FBXL18: variants seen among roughly 807,000 people sequenced by gnomAD.
The protein encoded by FBXL18 is F-box and leucine rich repeat protein 18.
FBXL18 carries 36 observed loss-of-function variants against 46.0 expected under a neutral mutation model. The ratio of observed to expected loss-of-function variants is 0.78; its 90% CI spans 0.60 to 1.03. The LOEUF (loss-of-function observed/expected upper bound fraction) is 1.03, where lower values mean the gene tolerates loss of function less well. Ranked by LOEUF, FBXL18 falls within the 50% of genes least tolerant of loss-of-function variation. FBXL18 has a pLI of 0.00. For missense variants in FBXL18, 977 were observed against 1,004.1 expected, an observed-to-expected ratio of 0.97 and a Z score of 0.36; for synonymous variants, 557 against 465.3, an observed-to-expected ratio of 1.20 and a Z score of -2.54.
At chr7:5,465,856 C>A (rs539237803) in intron 4 of FBXL18, among the ~76,000 whole-genome samples, 5 of 149,870 alleles carry the variant, frequency 3.3e-5, no homozygotes, top group Non-Finnish European at 1.5e-5. Flanking sequence ...CTTAGTCTGT[C>A]GCCCAGTCTG....
Position 5,481,671 on chromosome 7 carries a change from G to A in FBXL18, c.*104C>T. 7.8e-7 allele frequency: 1 copy of A among 1,284,936 alleles called. No homozygotes were observed. The highest frequency in any genetic ancestry group is 1.1e-6 in the Non-Finnish European group (1 of 913,426). The allele number at this position is 1,284,936 out of a possible 1,614,324, so 79.6% of individuals were successfully genotyped here. A position where few individuals can be genotyped will look rare whatever the true frequency, so the allele number is the denominator to read the frequency against. On this transcript the variant is annotated 3_prime_UTR_variant, in exon 5 of 5. Coordinates refer to ENST00000382368, the MANE Select transcript of FBXL18 (RefSeq NM_024963.6). ...GAGCCAGGTGGGGCGTGGCTGGCCG[G>A]GAGAGAGGCCCCCTTCCTCTTGTGA...
At chr7:5,467,559 A>AG (rs1196632411) in intron 4 of FBXL18, among the ~76,000 whole-genome samples, 2 of 151,316 alleles carry the variant, frequency 1.3e-5, no homozygotes, top group Non-Finnish European at 2.9e-5. Context: ...AAAAAAAAAA[A>AG]GAAATCAGGG....
intron 4 of FBXL18, among the ~76,000 whole-genome samples, chr7:5,482,319 G>A (rs1044986179): frequency 3.9e-5 from 6 of 152,174 alleles, no homozygotes; most frequent in Non-Finnish European, 8.8e-5. Flanking sequence ...GAAGCCCCAC[G>A]GCCAGGACAG....
intron 4 of FBXL18, among the ~76,000 whole-genome samples, chr7:5,467,037 C>T (rs539730027): frequency 1.1e-4 from 17 of 152,038 alleles, no homozygotes; most frequent in African/African-American, 3.6e-4. Flanking sequence ...GCCATCACGG[C>T]GAAACCCTGT....
chr7:5,499,161 C>T (rs555572388), intron 3 of FBXL18, among the ~76,000 whole-genome samples: 7 of 152,234 alleles, frequency 4.6e-5, no homozygotes, highest in Non-Finnish European at 7.4e-5. Flanking sequence ...CTGTGGTCCC[C>T]CTCCTGAGCC....
intron 2 of FBXL18, among the ~76,000 whole-genome samples, chr7:5,503,913 G>C (rs1228553351): frequency 1.3e-5 from 2 of 151,648 alleles, no homozygotes; most frequent in Non-Finnish European, 2.9e-5. Context: ...GTTGCAGTGA[G>C]CTGAGATAGT....
chr7:5,489,487 T>G (rs1246110907), intron 4 of FBXL18: 2 of 355,450 alleles, frequency 5.6e-6, no homozygotes, highest in African/African-American at 4.3e-5. Context: ...ATACAAAAAT[T>G]AGGCCGGGCG....
At chr7:5,486,807 C>CG (rs2128234838) in intron 4 of FBXL18, among the ~76,000 whole-genome samples, 1 of 152,328 alleles carries the variant, frequency 6.6e-6, no homozygotes, top group East Asian at 1.9e-4. Context: ...AGCCACGACA[C>CG]CGGCCGGCCC....
At chr7:5,474,786 C>T (rs1783483090), downstream of FBXL18, among the ~76,000 whole-genome samples, 1 of 151,022 alleles carries the variant, frequency 6.6e-6, no homozygotes, top group South Asian at 2.1e-4. Flanking sequence ...CGGCTCACTG[C>T]AAGCTCCGCC....
At chr7:5,494,025 C>G (rs919095632) in intron 3 of FBXL18, among the ~76,000 whole-genome samples, 1 of 152,026 alleles carries the variant, frequency 6.6e-6, no homozygotes, top group African/African-American at 2.4e-5. Flanking sequence ...GTAATCCCAG[C>G]ACTTTGGGAG....
At chr7:5,483,291 A>G (rs1475450336) in intron 4 of FBXL18, among the ~76,000 whole-genome samples, 2 of 148,848 alleles carry the variant, frequency 1.3e-5, no homozygotes, top group Non-Finnish European at 3.0e-5. Flanking sequence ...AAATACAAAA[A>G]TTAGCAAGGC....
chr7:5,500,437 C>G, intron 3 of FBXL18, 51 bp downstream of exon 3: 1 of 1,514,668 alleles, frequency 6.6e-7, no homozygotes, highest in Non-Finnish European at 8.9e-7. Flanking sequence ...CGCCCCAGTT[C>G]CCTCCGCCAG....
rs1422846348 is a variant in FBXL18, at chr7:5,480,098, A to G, written c.*1677T>C. On this transcript the variant is annotated 3_prime_UTR_variant, in exon 5 of 5. Coordinates refer to ENST00000382368, the MANE Select transcript of FBXL18 (RefSeq NM_024963.6). ...CAAGGAGCTGCTGAAAACCATCCCC[A>G]CTCAGGGGCAGGGCCGGTGATTGGA... Among the ~76,000 whole-genome samples the G allele has an allele frequency of 6.6e-6, 1 of 151,806 alleles. No individual in the cohort carries two copies. The highest frequency in any genetic ancestry group is 1.5e-5 in the Non-Finnish European group (1 of 67,952).
chr7:5,498,308 G>C (rs184923895), intron 3 of FBXL18, among the ~76,000 whole-genome samples: 7 of 152,020 alleles, frequency 4.6e-5, no homozygotes, highest in African/African-American at 1.4e-4. Context: ...GGATGGTCTC[G>C]ATCTCCTGAC....
intron 3 of FBXL18, among the ~76,000 whole-genome samples, chr7:5,498,378 G>A (rs1029743738): frequency 5.9e-5 from 9 of 152,132 alleles, no homozygotes; most frequent in Non-Finnish European, 1.3e-4. Context: ...GAGCCACGGC[G>A]CCCGGCCGAG....
chr7:5,493,377 T>C (rs1391743885), intron 3 of FBXL18, among the ~76,000 whole-genome samples: 1 of 151,942 alleles, frequency 6.6e-6, no homozygotes, highest in Non-Finnish European at 1.5e-5. Context: ...TCTCAGCTCA[T>C]TGCAAGCTCC....
At position 5,501,437 on chromosome 7, in the gene FBXL18, C is replaced by T; in HGVS notation, c.832G>A (p.Ala278Thr). Reference protein sequence around the residue: ...SVPGSFAESGATKNLLDSMAR... With the variant: ...SVPGSFAESGTTKNLLDSMAR... Reference sequence around the variant, plus strand: ...ATGGAGTCCAGGAGGTTCTTGGTGGCGCCGCTCTCCGCGAAGCTGCCAGGG... The same window carrying T: ...ATGGAGTCCAGGAGGTTCTTGGTGGTGCCGCTCTCCGCGAAGCTGCCAGGG... The change falls in exon 3 of 5, where the codon GCC (alanine) becomes ACC (threonine). Residue 278 changes from alanine (A) to threonine (T), a missense_variant. By Grantham distance (58) the Ala-to-Thr change is moderately conservative (BLOSUM62 0). Transcript: ENST00000382368. 1.9e-6 allele frequency: 3 copies of T among 1,611,920 alleles called. No individual in the cohort carries two copies. The highest frequency in any genetic ancestry group is 1.1e-5 in the South Asian group (1 of 90,924).
At chr7:5,464,700 T>TA (rs11343614) in intron 4 of FBXL18, among the ~76,000 whole-genome samples, 28 of 86,558 alleles carry the variant, frequency 3.2e-4, no homozygotes, top group Admixed American at 9.3e-4. Flanking sequence ...GATGGTTAAT[T>TA]AAAAAAAAAA....
chr7:5,510,447 G>A (rs188913613), intron 1 of FBXL18, among the ~76,000 whole-genome samples: 457 of 151,854 alleles, frequency 3.0e-3, no homozygotes, highest in African/African-American at 0.011. Context: ...ACTTTGGGAG[G>A]CCAAAGCAGG....
Sources: gnomAD v4.1 joint callset for allele counts (sites outside exome capture counted in the v4.1 genomes callset) on GRCh38, gnomAD v4.1.1 for gene constraint, MANE v1.5 for transcripts, NCBI Gene and HGNC (gene_info 2026-07-23, HGNC 2026-07-21) for gene names.